Variants in RDH12 observed in about 807,000 individuals in gnomAD.
The protein encoded by RDH12 is retinol dehydrogenase 12, also known as all-trans and 9-cis retinol dehydrogenase.
RDH12 carries 21 observed loss-of-function variants against 34.0 expected under a neutral mutation model. That is an observed-to-expected ratio of 0.62 (90% confidence interval 0.44 to 0.89). The LOEUF is 0.89. Ranked by LOEUF, RDH12 falls within the 40% of genes least tolerant of loss-of-function variation. The pLI is 0.00. For missense variants in RDH12, 394 were observed against 398.6 expected (o/e 0.99, Z 0.10); for synonymous variants, 198 against 169.9 (o/e 1.17, Z -1.29).
At chr14:67,719,402 C>T (rs539764439) in intron 1 of RDH12, among the ~76,000 whole-genome samples, 1 of 152,178 alleles carries the variant, frequency 6.6e-6, no homozygotes, top group Non-Finnish European at 1.5e-5. Flanking sequence ...CTTTTCCAAG[C>T]AGTTCATTTG....
At chr14:67,702,771 T>C (rs911840639) in intron 1 of RDH12, among the ~76,000 whole-genome samples, 1 of 152,216 alleles carries the variant, frequency 6.6e-6, no homozygotes, top group African/African-American at 2.4e-5. Context: ...TAAACACATC[T>C]AAACACACAT....
chr14:67,731,358 G>A (rs2038272658), intron 8 of RDH12, among the ~76,000 whole-genome samples: 1 of 151,788 alleles, frequency 6.6e-6, no homozygotes, highest in African/African-American at 2.4e-5. Context: ...GGGATTACAG[G>A]TGCATGCCAC....
At chr14:67,713,804 A>G (rs1187760720) in intron 1 of RDH12, among the ~76,000 whole-genome samples, 2 of 152,238 alleles carry the variant, frequency 1.3e-5, no homozygotes, top group African/African-American at 4.8e-5. Context: ...ATCAATCAAC[A>G]TATGTAAAAT....
intron 1 of RDH12, among the ~76,000 whole-genome samples, chr14:67,707,261 T>C (rs1336753838): frequency 6.6e-6 from 1 of 152,150 alleles, no homozygotes; most frequent in Non-Finnish European, 1.5e-5. Flanking sequence ...TAGAAAACAA[T>C]AAAAATTGCA....
rs1175390831 is a variant in RDH12 at position 67,701,926 on chromosome 14, A to G, written c.-284A>G. 1 of 152,160 alleles carries G rather than the reference A, an allele frequency of 6.6e-6. No individual in the cohort carries two copies. The highest frequency in any genetic ancestry group is 1.5e-5 in the Non-Finnish European group (1 of 68,046). The allele number at this position is 152,160 out of a possible 1,614,324, so 9.4% of individuals were successfully genotyped here. Reference sequence around the variant, plus strand: ...TCCCTTCTCAGCTTCCTGAGTGGCCAGGACTACAGGTAAGTGCCACCATGC... The same window carrying G: ...TCCCTTCTCAGCTTCCTGAGTGGCCGGGACTACAGGTAAGTGCCACCATGC... On this transcript the variant is annotated 5_prime_UTR_variant, in exon 1 of 9. Transcript: ENST00000551171.
intron 8 of RDH12, among the ~76,000 whole-genome samples, chr14:67,731,401 G>C (rs2038273414): frequency 6.6e-6 from 1 of 151,596 alleles, no homozygotes; most frequent in Admixed American, 6.6e-5. Context: ...TTCTAGTAGA[G>C]ATGGAGTTTT....
At chr14:67,725,873 T>C (rs899051604) in intron 5 of RDH12, among the ~76,000 whole-genome samples, 178 bp from the exon 6 acceptor site, 2 of 152,222 alleles carry the variant, frequency 1.3e-5, no homozygotes, top group African/African-American at 4.8e-5. Context: ...GGATAGTTAT[T>C]GAGTGCTGAG....
In RDH12 at chr14:67,726,024, T is replaced by C. The variant is rs749876426; in HGVS notation, c.344-27T>C. The C allele has an allele frequency of 4.7e-6, 7 of 1,505,218 alleles. No homozygotes were observed. The East Asian group carries it at 9.0e-5, about 19-fold the overall frequency. 93.2% of individuals were successfully genotyped at this position (1,505,218 alleles called of 1,614,324 possible). Reference sequence around the variant, plus strand: ...CAGCTAGGGGACTCCTTGCTAACCATAGGATCTCTTTGGTTGTGCCCTATA... The same window carrying C: ...CAGCTAGGGGACTCCTTGCTAACCACAGGATCTCTTTGGTTGTGCCCTATA... On this transcript the variant is annotated intron_variant, in intron 5 of 8. Coordinates refer to ENST00000551171, the MANE Select transcript of RDH12 (RefSeq NM_152443.3).
intron 1 of RDH12, among the ~76,000 whole-genome samples, chr14:67,720,474 C>T (rs1167068326): frequency 6.6e-6 from 1 of 152,206 alleles, no homozygotes; most frequent in Non-Finnish European, 1.5e-5. Context: ...GGTTTCATTT[C>T]TCATACTTAC....
At position 67,714,890 on chromosome 14, in the gene RDH12, A is replaced by G. The variant is rs187150652; in HGVS notation, c.-274-5958A>G. The G allele has an allele frequency of 5.7e-3, 870 of 152,358 alleles. 1 individual carries two copies. The highest frequency in any genetic ancestry group is 9.4e-3 in the Non-Finnish European group (641 of 68,068). The allele number at this position is 152,358 out of a possible 1,614,324, so 9.4% of individuals were successfully genotyped here. ...CCTGTGCAAAGCTTCTGCCAACTCAAGGCATTCACTGAATGCCCCACACAT... is the reference window on the plus strand; with the variant it reads ...CCTGTGCAAAGCTTCTGCCAACTCAGGGCATTCACTGAATGCCCCACACAT... On this transcript the variant is annotated intron_variant, in intron 1 of 8. Transcript: ENST00000551171.
chr14:67,709,387 C>T (rs1373471976), intron 1 of RDH12, among the ~76,000 whole-genome samples: 1 of 152,192 alleles, frequency 6.6e-6, no homozygotes, highest in Non-Finnish European at 1.5e-5. Flanking sequence ...CAATCTATAA[C>T]ATTTTAATCT....
chr14:67,720,105 T>C (rs1351578009), intron 1 of RDH12, among the ~76,000 whole-genome samples: 1 of 152,248 alleles, frequency 6.6e-6, no homozygotes, highest in East Asian at 1.9e-4. Flanking sequence ...CTACAATCTT[T>C]TTGACCTTTG....
chr14:67,708,757 T>G (rs1388118580), intron 1 of RDH12, among the ~76,000 whole-genome samples: 1 of 152,018 alleles, frequency 6.6e-6, no homozygotes, highest in Non-Finnish European at 1.5e-5. Context: ...AAGCCAAATA[T>G]GTCATTTTCG....
chr14:67,727,056 C>T lies in RDH12; in HGVS notation c.524C>T (p.Ser175Leu), dbSNP rs116733939. Residue 175 changes from serine to leucine, a missense_variant, in exon 7 of 9, where the codon TCG becomes TTG. By Grantham distance (145) the Ser-to-Leu change is moderately radical. Coordinates refer to ENST00000551171, the MANE Select transcript of RDH12 (RefSeq NM_152443.3). ...CCTGCACGGGTGGTTAATGTGTCCT[C>T]GGTGGCTCACCACATTGGCAAGATT... is the stretch of plus-strand genomic sequence containing the variant. ...SAPARVVNVS[S>L]VAHHIGKIPF... 2.5e-5 allele frequency: 41 copies of T among 1,614,026 alleles called. No individual in the cohort carries two copies. The highest frequency in any genetic ancestry group is 4.5e-5 in the East Asian group (2 of 44,882).
Position 67,722,505 on chromosome 14 carries a change from G to A in RDH12, c.-138G>A. On this transcript the variant is annotated 5_prime_UTR_variant, in exon 3 of 9. Transcript: ENST00000551171. The stretch of plus-strand genomic sequence containing the variant: ...GGGCTCTGCTCAGAGTCAGGCTGCT[G>A]CTCAGCACCCAGGACGGAGAGGAGC... 1.3e-6 allele frequency: 1 copy of A among 796,560 alleles called. No individual in the cohort carries two copies. Among genetic ancestry groups the A allele is most frequent in the Non-Finnish European group, 2.3e-6 (1 of 436,760 alleles). 49.3% of individuals were successfully genotyped at this position (796,560 alleles called of 1,614,324 possible). A position where few individuals can be genotyped will look rare whatever the true frequency, so the allele number is the denominator to read the frequency against.
At chr14:67,709,267 A>G (rs989135533) in intron 1 of RDH12, among the ~76,000 whole-genome samples, 7 of 152,246 alleles carry the variant, frequency 4.6e-5, no homozygotes, top group African/African-American at 7.2e-5. Context: ...ATTTCCCCAA[A>G]AAAGGTGAAA....
intron 8 of RDH12, 147 bp from the exon 9 acceptor site, chr14:67,733,599 T>C (rs2140162192): frequency 3.4e-6 from 2 of 588,084 alleles, no homozygotes; most frequent in Admixed American, 5.0e-5. Flanking sequence ...TAAAATATTT[T>C]TGGAGTGCAT....
rs554771461 is a variant in RDH12 at position 67,709,182 on chromosome 14, A to C, written c.-275+7247A>C. ...TTGTCAAATATCAAAGGTTTAAAAC[A>C]CTTGATATCACAAAATAGAATTAAT... On this transcript the variant is annotated intron_variant, in intron 1 of 8. Coordinates refer to ENST00000551171, the MANE Select transcript of RDH12 (RefSeq NM_152443.3). Among the ~76,000 whole-genome samples the C allele has an allele frequency of 2.1e-4, 32 of 152,338 alleles. No homozygotes were observed. In the South Asian group the frequency reaches 6.6e-3, roughly 32 times the overall value.
Position 67,734,059 on chromosome 14 carries a change from GTTC to G in RDH12, c.*216_*218del, listed in dbSNP as rs2038321709. ...CATGAGTTGTGGACACCTATAGAGTGTTCTTCTCTAAGACCTGGAAAGTCAGCA... is the reference window on the plus strand; with the variant it reads ...CATGAGTTGTGGACACCTATAGAGTGTTCTCTAAGACCTGGAAAGTCAGCA... On this transcript the variant is annotated 3_prime_UTR_variant, in exon 9 of 9. Transcript: ENST00000551171. 1 of 439,794 alleles carries G rather than the reference GTTC, an allele frequency of 2.3e-6. No homozygotes were observed. Among genetic ancestry groups the G allele is most frequent in the South Asian group, 2.1e-5 (1 of 48,124 alleles). 27.2% of individuals were successfully genotyped at this position (439,794 alleles called of 1,614,324 possible).
Sources: gnomAD v4.1 joint callset for allele counts (sites outside exome capture counted in the v4.1 genomes callset) on GRCh38, gnomAD v4.1.1 for gene constraint, MANE v1.5 for transcripts, NCBI Gene and HGNC (gene_info 2026-07-23, HGNC 2026-07-21) for gene names.